Variants in SNRNP40 observed in about 807,000 individuals in gnomAD.
The protein encoded by SNRNP40 is U5 small nuclear ribonucleoprotein 40 kDa protein.
A neutral mutation model predicts 45.8 loss-of-function variants in SNRNP40; 21 were observed. That is an observed-to-expected ratio of 0.46 (90% CI 0.32 to 0.66). The LOEUF (loss-of-function observed/expected upper bound fraction) is 0.66. Ranked by LOEUF, SNRNP40 falls within the 30% of genes least tolerant of loss-of-function variation. SNRNP40 has a pLI of 0.03. For missense variants in SNRNP40, 344 were observed against 439.1 expected (o/e 0.78, Z 1.94); for synonymous variants, 142 against 163.8 (o/e 0.87, Z 1.01).
chr1:31,273,018 C>T (rs561160547), intron 5 of SNRNP40, among the ~76,000 whole-genome samples: 1 of 152,272 alleles, frequency 6.6e-6, no homozygotes, highest in African/African-American at 2.4e-5. Flanking sequence ...TTAGGTGTTA[C>T]ACAGCAGAGC....
chr1:31,295,356 A>AAAG (rs1465461517), intron 1 of SNRNP40, among the ~76,000 whole-genome samples: 6 of 151,790 alleles, frequency 4.0e-5, no homozygotes, highest in Non-Finnish European at 1.5e-5. Flanking sequence ...AAAACAAAAA[A>AAAG]AGAGAGAGAG....
In SNRNP40 at chr1:31,296,652, C is replaced by A; in HGVS notation, c.100G>T (p.Ala34Ser). 6.2e-7 allele frequency: 1 copy of A among 1,613,748 alleles called. No individual in the cohort carries two copies. The highest frequency in any genetic ancestry group is 8.5e-7 in the Non-Finnish European group (1 of 1,179,828). The change falls in exon 1 of 10, where the codon GCC becomes TCC. Residue 34 changes from alanine (A) to serine (S), a missense_variant. Ala to Ser is a moderately conservative substitution (Grantham distance 99). Around this residue, in one of 2 missense-constraint regions of SNRNP40, gnomAD observed 90 missense variants for 58.9 expected, o/e 1.53. Coordinates refer to ENST00000263694, the MANE Select transcript of SNRNP40 (RefSeq NM_004814.3). ...LLLGAGSGPG[A>S]GQQQATPGAL... ...CCCGGCGTCGCCTGCTGCTGCCCGG[C>A]TCCTGGGCCAGACCCCGCTCCCAAC...
At chr1:31,263,207 CAG>C (rs1645872781) in intron 8 of SNRNP40, 1 of 151,900 alleles carries the variant, frequency 6.6e-6, no homozygotes, top group South Asian at 2.1e-4. Context: ...TGAATAATAA[CAG>C]AAGATGTCAT....
chr1:31,280,249 T>C (rs1301021011), intron 5 of SNRNP40, among the ~76,000 whole-genome samples: 1 of 150,326 alleles, frequency 6.7e-6, no homozygotes, highest in African/African-American at 2.4e-5. Flanking sequence ...CCGCAACTTC[T>C]GACTCCCAGG....
intron 4 of SNRNP40, among the ~76,000 whole-genome samples, 163 bp downstream of exon 4, chr1:31,289,091 G>A (rs540985464): frequency 1.3e-5 from 2 of 152,192 alleles, no homozygotes; most frequent in Admixed American, 1.3e-4. Flanking sequence ...ATTAAAACTT[G>A]TATTAAATGT....
At chr1:31,288,336 G>C (rs2148390116) in intron 4 of SNRNP40, among the ~76,000 whole-genome samples, 1 of 152,302 alleles carries the variant, frequency 6.6e-6, no homozygotes, top group African/African-American at 2.4e-5. Flanking sequence ...GTACTATGAT[G>C]TACTGTGTCC....
intron 9 of SNRNP40, chr1:31,260,874 A>AAG (rs1553165797): frequency 0.032 from 20,661 of 643,276 alleles, 58 homozygotes; most frequent in Middle Eastern, 0.039. Flanking sequence ...AAAAAAAAAA[A>AAG]AAAAAAGTAT....
At chr1:31,287,180 CAAG>C (rs1196979820) in intron 4 of SNRNP40, among the ~76,000 whole-genome samples, 1 of 152,040 alleles carries the variant, frequency 6.6e-6, no homozygotes, top group Non-Finnish European at 1.5e-5. Flanking sequence ...AACAAAAATA[CAAG>C]AACACAAAGC....
At position 31,260,075 on chromosome 1, in the gene SNRNP40, C is replaced by T; in HGVS notation, c.1071G>A (p.Gln357=). The change falls in exon 10 of 10, where the codon CAG becomes CAA. Residue 357 remains glutamine (Q), a synonymous_variant. Transcript: ENST00000263694. ...TGGAGTCTTCCAGTCCATATCTTCA[C>T]TGAATCTCTCCCATATACAGTCTCT... The part of the protein sequence containing the change: ...SDKRLYMGEI[Q] 6.2e-7 allele frequency: 1 copy of T among 1,610,236 alleles called. No individual in the cohort carries two copies. The highest frequency in any genetic ancestry group is 8.5e-7 in the Non-Finnish European group (1 of 1,176,624).
Position 31,292,010 on chromosome 1 carries a change from T to C in SNRNP40, c.272-4A>G. 6.3e-7 allele frequency: 1 copy of C among 1,579,886 alleles called. No homozygotes were observed. The highest frequency in any genetic ancestry group is 8.7e-7 in the Non-Finnish European group (1 of 1,148,920). On this transcript the variant is annotated splice_region_variant and splice_polypyrimidine_tract_variant and intron_variant, in intron 2 of 9. Coordinates refer to ENST00000263694, the MANE Select transcript of SNRNP40 (RefSeq NM_004814.3). ...TCACCATAGACATTCCACAGTACTG[T>C]TAGGGAGATGGGTTCTGTGAGCATT...
intron 8 of SNRNP40, among the ~76,000 whole-genome samples, chr1:31,265,827 G>A (rs1001408460): frequency 6.9e-6 from 1 of 145,082 alleles, no homozygotes; most frequent in African/African-American, 2.5e-5. Flanking sequence ...GCGACAGAGT[G>A]AGACTACATC....
intron 5 of SNRNP40, among the ~76,000 whole-genome samples, chr1:31,274,662 A>C (rs1645962984): frequency 6.6e-6 from 1 of 151,024 alleles, no homozygotes; most frequent in Non-Finnish European, 1.5e-5. Context: ...AAAAAAAAAA[A>C]AAACCAAACT....
Position 31,269,254 on chromosome 1 carries a change from C to A in SNRNP40, c.776-14G>T. 1.2e-6 allele frequency: 2 copies of A among 1,612,666 alleles called. No individual in the cohort carries two copies. The highest frequency in any genetic ancestry group is 1.7e-6 in the Non-Finnish European group (2 of 1,179,436). On this transcript the variant is annotated splice_polypyrimidine_tract_variant and intron_variant, in intron 6 of 9. Transcript: ENST00000263694. ...CCCAGACACGAACTGCAAAACAAAT[C>A]CAAATAAACAAACCAACCAAAACAA...
intron 1 of SNRNP40, among the ~76,000 whole-genome samples, chr1:31,294,030 C>T (rs1469827739): frequency 2.0e-5 from 3 of 151,160 alleles, no homozygotes; most frequent in Admixed American, 6.6e-5. Flanking sequence ...GTGATCTCGG[C>T]TCACTGCAAC....
intron 4 of SNRNP40, 144 bp downstream of exon 4, chr1:31,289,110 A>C: frequency 1.6e-6 from 1 of 634,798 alleles, no homozygotes; most frequent in Non-Finnish European, 2.7e-6. Flanking sequence ...GTTTTATTTT[A>C]AATGGGGAAA....
rs371484767 is a variant in SNRNP40, at chr1:31,275,548, C to T, written c.655-4049G>A. On this transcript the variant is annotated intron_variant, in intron 5 of 9. Transcript: ENST00000263694. The stretch of plus-strand genomic sequence containing the variant: ...GGGACTACAGGTGTGTGCCACCACG[C>T]GCAGCTAATTTTTGTATTTTTAGTA... Among the ~76,000 whole-genome samples the T allele has an allele frequency of 9.9e-5, 15 of 152,208 alleles. No individual in the cohort carries two copies. In the East Asian group the frequency reaches 1.2e-3, roughly 12 times the overall value.
intron 1 of SNRNP40, among the ~76,000 whole-genome samples, chr1:31,293,586 C>T (rs1005349739): frequency 3.3e-5 from 5 of 152,074 alleles, no homozygotes; most frequent in African/African-American, 1.2e-4. Context: ...TGTTGTACGA[C>T]CAACTTTTTT....
rs917407003 is a variant in SNRNP40, at chr1:31,277,285, C to A, written c.654+4089G>T. On this transcript the variant is annotated intron_variant, in intron 5 of 9. Transcript: ENST00000263694. The stretch of plus-strand genomic sequence containing the variant: ...ACAGAAAAGACTTGAAGGAAGTACA[C>A]TGTGAAATAGTAAGAGTGACTGAAT... 4.1e-4 allele frequency among the ~76,000 whole-genome samples: 62 copies of A among 152,186 alleles called. 1 individual carries two copies. Among genetic ancestry groups the A allele is most frequent in the Non-Finnish European group, 1.3e-4 (9 of 68,030 alleles).
At position 31,259,943 on chromosome 1, in the gene SNRNP40, G is replaced by A. The variant is rs984460621; in HGVS notation, c.*129C>T. The stretch of plus-strand genomic sequence containing the variant: ...AAGTGGTTTTTGGAATATGGCCACC[G>A]CCTCCTGTTTCTTGCTAGCAATGGT... On this transcript the variant is annotated 3_prime_UTR_variant, in exon 10 of 10. Coordinates refer to ENST00000263694, the MANE Select transcript of SNRNP40 (RefSeq NM_004814.3). 5.3e-6 allele frequency: 4 copies of A among 757,282 alleles called. No individual in the cohort carries two copies. Among genetic ancestry groups the A allele is most frequent in the Non-Finnish European group, 7.1e-6 (3 of 422,484 alleles). The allele number at this position is 757,282 out of a possible 1,614,324, so 46.9% of individuals were successfully genotyped here.
Sources: gnomAD v4.1 joint callset for allele counts (sites outside exome capture counted in the v4.1 genomes callset) on GRCh38, gnomAD v4.1.1 for gene constraint, gnomAD v4.1.1 regional missense constraint, MANE v1.5 for transcripts, NCBI Gene and HGNC (gene_info 2026-07-23, HGNC 2026-07-21) for gene names.